Variants in KIAA0586 observed in about 807,000 individuals in gnomAD.
The protein encoded by KIAA0586 is protein TALPID3.
KIAA0586 carries 144 observed loss-of-function variants against 169.8 expected under a neutral mutation model. The observed-to-expected ratio is 0.85, with a 90% CI of 0.74 to 0.97. KIAA0586 has a LOEUF of 0.97. Ranked by LOEUF, KIAA0586 falls within the 50% of genes least tolerant of loss-of-function variation. The pLI is 0.00. For missense variants in KIAA0586, 1,854 were observed against 1,823.0 expected, an observed-to-expected ratio of 1.02 and a Z score of -0.31; for synonymous variants, 625 against 612.4, an observed-to-expected ratio of 1.02 and a Z score of -0.30.
intron 13 of KIAA0586, among the ~76,000 whole-genome samples, chr14:58,460,517 T>G (rs565764727): frequency 6.6e-6 from 1 of 152,280 alleles, no homozygotes; most frequent in East Asian, 1.9e-4. Context: ...GCTATAAGTT[T>G]CTAAGTGCCA....
At chr14:58,537,761 C>T (rs1226123489) in intron 29 of KIAA0586, among the ~76,000 whole-genome samples, 1 of 152,048 alleles carries the variant, frequency 6.6e-6, no homozygotes, top group African/African-American at 2.4e-5. Context: ...CATTCTCCTG[C>T]CTCAGCCTCC....
chr14:58,441,987 T>C (rs950426144), intron 4 of KIAA0586: 2 of 152,238 alleles, frequency 1.3e-5, no homozygotes, highest in Admixed American at 6.5e-5. Flanking sequence ...ACTTGACTAG[T>C]CTTTAAAAAA....
At chr14:58,542,476 C>CAA (rs112176592) in intron 30 of KIAA0586, among the ~76,000 whole-genome samples, 2 of 130,028 alleles carry the variant, frequency 1.5e-5, no homozygotes, top group African/African-American at 5.7e-5. Flanking sequence ...TACTCCGTCT[C>CAA]AAAAAAAAAA....
rs763633519 is a variant in KIAA0586, at chr14:58,461,113, C to T, written c.2012C>T (p.Ser671Phe). The change falls in exon 14 of 31, where the codon TCT (serine) becomes TTT (phenylalanine). Residue 671 changes from serine (S) to phenylalanine (F), a missense_variant. Ser to Phe is a radical substitution (Grantham distance 155, BLOSUM62 -2). Transcript: ENST00000652326. ...KGPYLRFNSPSPKSRPQRPKV... is the reference protein window; with the variant it reads ...KGPYLRFNSPFPKSRPQRPKV... The stretch of plus-strand genomic sequence containing the variant: ...CCATATCTCAGATTTAATTCTCCAT[C>T]TCCTAAGTCCAGACCACAGAGACCA... 1 of 1,610,222 alleles carries T rather than the reference C, an allele frequency of 6.2e-7. No homozygotes were observed. Among genetic ancestry groups the T allele is most frequent in the South Asian group, 1.1e-5 (1 of 90,384 alleles).
chr14:58,497,581 T>C (rs1406699151), intron 26 of KIAA0586, among the ~76,000 whole-genome samples: 1 of 151,674 alleles, frequency 6.6e-6, no homozygotes, highest in East Asian at 1.9e-4. Context: ...GCCAGGCTGG[T>C]CTCAAACTCC....
At chr14:58,561,557 C>CT in the KIAA0586 span, among the ~76,000 whole-genome samples, 1 of 152,062 alleles carries the variant, frequency 6.6e-6, no homozygotes, top group African/African-American at 2.4e-5. Context: ...AACATACTTT[C>CT]TTTTTTCATT....
rs568062192 is a variant in KIAA0586 at position 58,427,989 on chromosome 14, T to C, written c.-276T>C. 16 of 1,422,398 alleles carry C rather than the reference T, an allele frequency of 1.1e-5. No individual in the cohort carries two copies. The highest frequency in any genetic ancestry group is 5.7e-5 in the African/African-American group (4 of 69,622). 88.1% of individuals were successfully genotyped at this position (1,422,398 alleles called of 1,614,324 possible). A position where few individuals can be genotyped will look rare whatever the true frequency, so the allele number is the denominator to read the frequency against. ...TCTGGGGTTGGGGAGTGCACTGTTA[T>C]GGTTATTGTTGCTCCTGTGGCCATT... is the stretch of plus-strand genomic sequence containing the variant. On this transcript the variant is annotated 5_prime_UTR_variant, in exon 1 of 31. It removes an upstream start codon present in the reference 5' UTR. Coordinates refer to ENST00000652326, the MANE Select transcript of KIAA0586 (RefSeq NM_001329943.3).
At chr14:58,430,084 AG>A (rs1200064749) in intron 2 of KIAA0586, among the ~76,000 whole-genome samples, 1 of 152,150 alleles carries the variant, frequency 6.6e-6, no homozygotes, top group Non-Finnish European at 1.5e-5. Flanking sequence ...TTTTGTCAAA[AG>A]CTCACAATAA....
In KIAA0586 at chr14:58,486,967, G is replaced by A. The variant is rs760542284; in HGVS notation, c.3145-40G>A. On this transcript the variant is annotated intron_variant, in intron 21 of 30. Transcript: ENST00000652326. ...TTATTTTCAAATTACTTTTATTTGGGTGATTATAAACACAGTTTATCTTGT... is the reference window on the plus strand; with the variant it reads ...TTATTTTCAAATTACTTTTATTTGGATGATTATAAACACAGTTTATCTTGT... 31 of 1,470,648 alleles carry A rather than the reference G, an allele frequency of 2.1e-5. No individual in the cohort carries two copies. In the South Asian group the frequency reaches 3.6e-4, roughly 17 times the overall value. 91.1% of individuals were successfully genotyped at this position (1,470,648 alleles called of 1,614,324 possible). A position where few individuals can be genotyped will look rare whatever the true frequency, so the allele number is the denominator to read the frequency against.
At chr14:58,497,870 A>ATTT (rs557927775) in intron 26 of KIAA0586, among the ~76,000 whole-genome samples, 4 of 95,248 alleles carry the variant, frequency 4.2e-5, no homozygotes, top group South Asian at 3.5e-4. Flanking sequence ...AGTGGTTTTG[A>ATTT]TTTTTTTTTT....
chr14:58,458,396 T>C, intron 11 of KIAA0586, 77 bp from the exon 12 acceptor site: 4 of 747,070 alleles, frequency 5.4e-6, no homozygotes, highest in East Asian at 2.9e-5. Flanking sequence ...CACAACTAGA[T>C]AAGAGTTAGA....
chr14:58,515,121 A>G lies in KIAA0586; in HGVS notation c.4429+2494A>G, dbSNP rs146457038. 6.2e-3 allele frequency among the ~76,000 whole-genome samples: 947 copies of G among 152,152 alleles called. 8 individuals are homozygous for G. The highest frequency in any genetic ancestry group is 0.011 in the Non-Finnish European group (755 of 67,924). ...ACATACTATATACTACTATCAGTCA[A>G]TGGGGAAAAAATAAGTCATATGTTT... On this transcript the variant is annotated intron_variant, in intron 29 of 30. Transcript: ENST00000652326.
At position 58,428,382 on chromosome 14, in the gene KIAA0586, T is replaced by A; in HGVS notation, c.118T>A (p.Leu40Met). ...GDHLVLLKDE[L>M]PCVPPALSAN... ...TCATTTGGTTTTGCTGAAAGATGAG[T>A]TGCCCTGTGTTCCTCCGGCATTGTC... The change falls in exon 1 of 31, where the codon TTG becomes ATG. Residue 40 changes from leucine (L) to methionine (M), a missense_variant. Transcript: ENST00000652326. The A allele has an allele frequency of 6.2e-7, 1 of 1,613,988 alleles. No individual in the cohort carries two copies.
At chr14:58,527,613 A>G (rs1342299997) in intron 29 of KIAA0586, among the ~76,000 whole-genome samples, 2 of 152,236 alleles carry the variant, frequency 1.3e-5, no homozygotes, top group Non-Finnish European at 2.9e-5. Context: ...ACTAAGCTTC[A>G]TAAGTGAAGG....
chr14:58,463,079 A>G (rs902795812), intron 14 of KIAA0586, among the ~76,000 whole-genome samples: 3 of 152,058 alleles, frequency 2.0e-5, no homozygotes, highest in African/African-American at 7.2e-5. Flanking sequence ...GGGCCTCAGT[A>G]CCTGCCACTT....
chr14:58,439,209 C>A (rs1005533008), intron 4 of KIAA0586, among the ~76,000 whole-genome samples: 2 of 151,114 alleles, frequency 1.3e-5, no homozygotes, highest in Non-Finnish European at 3.0e-5. Flanking sequence ...TTTTTTGAGA[C>A]GGAGTCTCGC....
At chr14:58,490,445 C>T (rs1053797595) in intron 25 of KIAA0586, among the ~76,000 whole-genome samples, 10 of 152,186 alleles carry the variant, frequency 6.6e-5, no homozygotes, top group African/African-American at 9.6e-5. Flanking sequence ...TATTAACCCT[C>T]GTGGCTCTAG....
At chr14:58,521,295 A>T in intron 29 of KIAA0586, 1 of 1,141,064 alleles carries the variant, frequency 8.8e-7, no homozygotes, top group South Asian at 1.2e-5. Flanking sequence ...GAATCTCAAC[A>T]CTCTTGTGCT....
intron 27 of KIAA0586, among the ~76,000 whole-genome samples, chr14:58,500,793 AC>A (rs1595393568): frequency 6.6e-6 from 1 of 151,982 alleles, no homozygotes; most frequent in African/African-American, 2.4e-5. Flanking sequence ...CAGTGAAATC[AC>A]CAAAAAAAAG....
Sources: gnomAD v4.1 joint callset for allele counts (sites outside exome capture counted in the v4.1 genomes callset) on GRCh38, gnomAD v4.1.1 for gene constraint, MANE v1.5 for transcripts, NCBI Gene and HGNC (gene_info 2026-07-23, HGNC 2026-07-21) for gene names.